ARG2: variants seen among roughly 807,000 people sequenced by gnomAD.
The protein encoded by ARG2 is arginase-2, mitochondrial.
In ARG2, 21 loss-of-function variants were observed where a neutral mutation model predicts 39.4. The ratio of observed to expected loss-of-function variants is 0.53; its 90% CI spans 0.38 to 0.77. The LOEUF (loss-of-function observed/expected upper bound fraction) is 0.77, where lower values mean the gene tolerates loss of function less well. Ranked by LOEUF, ARG2 falls within the 30% of genes least tolerant of loss-of-function variation. The probability of loss-of-function intolerance (pLI) is 0.00; values close to 1 mark genes in which losing one functional copy is unlikely to be tolerated. For missense variants in ARG2, 378 were observed against 426.2 expected (o/e 0.89, Z 1.00); for synonymous variants, 150 against 156.7 (o/e 0.96, Z 0.32).
At chr14:67,634,468 T>G (rs1023277443) in intron 2 of ARG2, among the ~76,000 whole-genome samples, 2 of 151,412 alleles carry the variant, frequency 1.3e-5, no homozygotes, top group African/African-American at 4.9e-5. Flanking sequence ...AGGTGTGGCT[T>G]CTGTAGTCCC....
At chr14:67,620,199 T>G in intron 1 of ARG2, 111 bp downstream of exon 1, 5 of 476,418 alleles carry the variant, frequency 1.0e-5, no homozygotes, top group South Asian at 2.3e-5. Context: ...TGGGGAGAAA[T>G]GGCGAGGGGA....
At chr14:67,647,102 C>G in intron 6 of ARG2, 77 bp downstream of exon 6, 1 of 953,658 alleles carries the variant, frequency 1.0e-6, no homozygotes, top group South Asian at 1.5e-5. Context: ...AGGACAGCAG[C>G]TTTACTTTTA....
At chr14:67,622,175 G>T (rs892232390) in intron 2 of ARG2, among the ~76,000 whole-genome samples, 4 of 152,140 alleles carry the variant, frequency 2.6e-5, no homozygotes, top group African/African-American at 9.7e-5. Flanking sequence ...AAGGCCATTT[G>T]CTCTGTTCAT....
chr14:67,623,264 C>T (rs1295144180), intron 2 of ARG2, among the ~76,000 whole-genome samples: 1 of 152,178 alleles, frequency 6.6e-6, no homozygotes, highest in Non-Finnish European at 1.5e-5. Context: ...TTCAGTTGCT[C>T]TGTTCCTAAA....
At chr14:67,630,665 C>T (rs534205270) in intron 2 of ARG2, among the ~76,000 whole-genome samples, 14 of 152,260 alleles carry the variant, frequency 9.2e-5, no homozygotes, top group South Asian at 6.2e-4. Context: ...CTGCAACCTC[C>T]GCCTCCCAGG....
chr14:67,650,946 A>AC lies in ARG2; in HGVS notation c.*27dup, dbSNP rs2037167427. On this transcript the variant is annotated 3_prime_UTR_variant, in exon 8 of 8. Transcript: ENST00000261783. ...GAGACACTGTGCACTGACATGTTTC[A>AC]CAACAGGCATTCCAGAATTATGAGG... 1 of 1,604,532 alleles carries AC rather than the reference A, an allele frequency of 6.2e-7. No homozygotes were observed. Among genetic ancestry groups the AC allele is most frequent in the Admixed American group, 1.7e-5 (1 of 59,896 alleles).
intron 3 of ARG2, among the ~76,000 whole-genome samples, chr14:67,643,990 T>A (rs1223872082): frequency 6.6e-6 from 1 of 151,524 alleles, no homozygotes; most frequent in Non-Finnish European, 1.5e-5. Flanking sequence ...CTCAGTGTAG[T>A]CTCTGGAAAT....
intron 5 of ARG2, 67 bp downstream of exon 5, chr14:67,646,805 G>A: frequency 6.8e-7 from 1 of 1,467,386 alleles, no homozygotes; most frequent in South Asian, 1.2e-5. Flanking sequence ...TTGAAAGGCT[G>A]ATGCTTAACT....
intron 4 of ARG2, 39 bp from the exon 5 acceptor site, chr14:67,646,605 G>A (rs774505668): frequency 6.7e-7 from 1 of 1,503,076 alleles, no homozygotes; most frequent in Non-Finnish European, 9.2e-7. Flanking sequence ...GTGAGAACAA[G>A]AATTCTTGAT....
At chr14:67,639,128 C>T (rs2037003667) in intron 2 of ARG2, among the ~76,000 whole-genome samples, 1 of 152,200 alleles carries the variant, frequency 6.6e-6, no homozygotes, top group African/African-American at 2.4e-5. Flanking sequence ...AGTCTCTCTT[C>T]CTGGGAACGT....
At chr14:67,626,959 C>A (rs1245314094) in intron 2 of ARG2, among the ~76,000 whole-genome samples, 2 of 152,066 alleles carry the variant, frequency 1.3e-5, no homozygotes, top group African/African-American at 2.4e-5. Context: ...TCAAAGAAGG[C>A]AGACACAGAA....
chr14:67,631,973 C>T (rs1439213751), intron 2 of ARG2, among the ~76,000 whole-genome samples: 1 of 152,198 alleles, frequency 6.6e-6, no homozygotes, highest in African/African-American at 2.4e-5. Context: ...CTCATGGGCT[C>T]AAGTGATTCT....
At chr14:67,647,669 C>G (rs2140783753) in intron 6 of ARG2, 1 of 163,756 alleles carries the variant, frequency 6.1e-6, no homozygotes, top group East Asian at 1.8e-4. Flanking sequence ...TTAAATTAGA[C>G]TAATTTAAAT....
In ARG2 at chr14:67,643,990, T is replaced by G. The variant is rs1223872082; in HGVS notation, c.362+1627T>G. Among the ~76,000 whole-genome samples, 3 of 151,642 alleles carry G rather than the reference T, an allele frequency of 2.0e-5. No homozygotes were observed. The East Asian group carries it at 5.8e-4, about 29-fold the overall frequency. On this transcript the variant is annotated intron_variant, in intron 3 of 7. Coordinates refer to ENST00000261783, the MANE Select transcript of ARG2 (RefSeq NM_001172.4). ...TCTCCTGCCTCCTTTCTCAGTGTAG[T>G]CTCTGGAAATTTATTAAGTCTGTCT...
intron 2 of ARG2, among the ~76,000 whole-genome samples, chr14:67,640,732 C>T (rs1019648727): frequency 1.3e-5 from 2 of 152,144 alleles, no homozygotes; most frequent in African/African-American, 4.8e-5. Context: ...CTTTTTGATA[C>T]AGTCAGATTA....
In ARG2 at chr14:67,645,689, C is replaced by T. The variant is rs781465749; in HGVS notation, c.409C>T (p.Leu137Phe). Reference protein sequence around the residue: ...ISGHARHCPDLCVVWVDAHAD... With the variant: ...ISGHARHCPDFCVVWVDAHAD... ...TGGCCATGCCCGACACTGCCCAGAC[C>T]TTTGTGTTGTCTGGGTTGATGCCCA... The change falls in exon 4 of 8, where the codon CTT (leucine) becomes TTT (phenylalanine). Residue 137 changes from leucine (L) to phenylalanine (F), a missense_variant. Transcript: ENST00000261783. 1.5e-5 allele frequency: 25 copies of T among 1,613,930 alleles called. No homozygotes were observed. In the South Asian group the frequency reaches 2.5e-4, roughly 16 times the overall value.
At chr14:67,620,798 G>A in intron 1 of ARG2, 96 bp from the exon 2 acceptor site, 3 of 1,234,748 alleles carry the variant, frequency 2.4e-6, no homozygotes, top group Non-Finnish European at 3.6e-6. Flanking sequence ...TGCTGTCACA[G>A]GTTTTCAGAG....
chr14:67,628,059 G>C (rs1487962296), intron 2 of ARG2, among the ~76,000 whole-genome samples: 1 of 152,172 alleles, frequency 6.6e-6, no homozygotes, highest in Non-Finnish European at 1.5e-5. Flanking sequence ...CAGTGCCCTT[G>C]GGGGATGGGC....
intron 2 of ARG2, among the ~76,000 whole-genome samples, chr14:67,625,545 T>TGGTGCATGCC (rs1278082799): frequency 3.3e-5 from 5 of 151,512 alleles, no homozygotes; most frequent in Non-Finnish European, 7.4e-5. Flanking sequence ...CCGGGCATGG[T>TGGTGCATGCC]GGTGCATGCC....
Sources: allele counts gnomAD v4.1 joint callset (sites outside exome capture counted in the v4.1 genomes callset), GRCh38; gene constraint gnomAD v4.1.1; transcripts MANE v1.5; gene names NCBI Gene and HGNC (gene_info 2026-07-23, HGNC 2026-07-21).